Variants in CNTN5 observed in about 807,000 individuals in gnomAD.
The protein encoded by CNTN5 is contactin 5.
A neutral mutation model predicts 129.1 loss-of-function variants in CNTN5; 77 were observed. The ratio of observed to expected loss-of-function variants is 0.60; its 90% CI spans 0.50 to 0.72. The LOEUF (loss-of-function observed/expected upper bound fraction) is 0.72, where lower values mean the gene tolerates loss of function less well. CNTN5 is among the 30% of genes least tolerant of loss of function. The pLI, the probability that CNTN5 is intolerant of heterozygous loss-of-function variation, is 0.00. For synonymous variants in CNTN5, 509 were observed against 465.6 expected (o/e 1.09, Z -1.20); for missense variants, 1,478 against 1,328.8 (o/e 1.11, Z -1.75).
chr11:99,893,549 C>G (rs1446472518), intron 6 of CNTN5, among the ~76,000 whole-genome samples: 1 of 152,066 alleles, frequency 6.6e-6, no homozygotes, highest in East Asian at 1.9e-4. Context: ...CACAATAATA[C>G]CTAAAGCACT....
intron 1 of CNTN5, among the ~76,000 whole-genome samples, chr11:99,137,438 T>C (rs1444660192): frequency 1.3e-5 from 2 of 152,140 alleles, no homozygotes. Flanking sequence ...TCATTTATGC[T>C]CATTATACGA....
chr11:99,584,381 C>T (rs996077746), intron 3 of CNTN5, among the ~76,000 whole-genome samples: 4 of 152,136 alleles, frequency 2.6e-5, no homozygotes, highest in African/African-American at 9.7e-5. Flanking sequence ...CTGTTGGCCA[C>T]AGACAGAAGG....
At chr11:99,086,812 T>C (rs1442534612) in intron 1 of CNTN5, among the ~76,000 whole-genome samples, 2 of 152,152 alleles carry the variant, frequency 1.3e-5, no homozygotes, top group Admixed American at 1.3e-4. Flanking sequence ...AGCTAAATAA[T>C]GGGGTTACAG....
intron 7 of CNTN5, among the ~76,000 whole-genome samples, chr11:99,942,646 A>G (rs993581057): frequency 2.0e-5 from 3 of 152,020 alleles, no homozygotes. Context: ...CACATGCATT[A>G]GATATTTGTC....
intron 7 of CNTN5, among the ~76,000 whole-genome samples, chr11:99,955,841 G>A (rs1950788469): frequency 1.3e-5 from 2 of 152,098 alleles, no homozygotes; most frequent in Non-Finnish European, 2.9e-5. Context: ...CAGGAGTACG[G>A]GCGTTAGCCC....
intron 1 of CNTN5, among the ~76,000 whole-genome samples, chr11:99,101,638 A>T (rs1388833463): frequency 1.3e-5 from 2 of 152,130 alleles, no homozygotes; most frequent in African/African-American, 2.4e-5. Context: ...CTACAAAATG[A>T]TCTCCTCTGA....
intron 1 of CNTN5, chr11:99,049,498 A>G (rs1203505411): frequency 1.3e-5 from 2 of 152,176 alleles, no homozygotes; most frequent in Non-Finnish European, 2.9e-5. Context: ...GGGAAGCTAC[A>G]TGAAATAAAT....
intron 9 of CNTN5, among the ~76,000 whole-genome samples, chr11:100,044,537 A>G (rs957698919): frequency 1.3e-5 from 2 of 151,868 alleles, no homozygotes; most frequent in Non-Finnish European, 2.9e-5. Flanking sequence ...TAGTAAGATA[A>G]TATACAATTG....
intron 9 of CNTN5, among the ~76,000 whole-genome samples, chr11:100,042,238 T>C (rs537496824): frequency 3.9e-5 from 6 of 152,034 alleles, no homozygotes; most frequent in Non-Finnish European, 5.9e-5. Flanking sequence ...TTTTTTTTTT[T>C]TGAGATACAG....
intron 13 of CNTN5, among the ~76,000 whole-genome samples, chr11:100,145,732 G>A (rs540167572): frequency 5.3e-5 from 8 of 152,132 alleles, no homozygotes; most frequent in African/African-American, 1.7e-4. Context: ...GGGACTCTAG[G>A]GATTTAGGTC....
intron 2 of CNTN5, among the ~76,000 whole-genome samples, chr11:99,541,517 T>C (rs572265715): frequency 3.3e-5 from 5 of 152,178 alleles, no homozygotes; most frequent in African/African-American, 9.6e-5. Flanking sequence ...CACAGTTGAA[T>C]AGGAAAGGTA....
intron 1 of CNTN5, among the ~76,000 whole-genome samples, chr11:99,031,982 G>A: frequency 7.3e-6 from 1 of 136,614 alleles, no homozygotes; most frequent in South Asian, 2.2e-4. Context: ...TGTTCTCATT[G>A]TTCAATTCCC....
chr11:99,745,486 T>C (rs1167142175), intron 3 of CNTN5, among the ~76,000 whole-genome samples: 2 of 149,874 alleles, frequency 1.3e-5, no homozygotes, highest in South Asian at 2.1e-4. Flanking sequence ...GCTCAGCTAA[T>C]GAGTTTTTTG....
intron 1 of CNTN5, among the ~76,000 whole-genome samples, chr11:99,125,950 T>C (rs936044924): frequency 6.6e-6 from 1 of 152,108 alleles, no homozygotes; most frequent in African/African-American, 2.4e-5. Context: ...CAATTCCACT[T>C]ACATGTTCAG....
At chr11:99,690,173 T>A (rs141041731) in intron 3 of CNTN5, among the ~76,000 whole-genome samples, 57 of 152,290 alleles carry the variant, frequency 3.7e-4, no homozygotes, top group Non-Finnish European at 7.1e-4. Context: ...CAGCACTACT[T>A]ATTAAGTAGG....
At chr11:99,340,065 T>G (rs1790993798) in intron 2 of CNTN5, among the ~76,000 whole-genome samples, 1 of 152,126 alleles carries the variant, frequency 6.6e-6, no homozygotes, top group Non-Finnish European at 1.5e-5. Context: ...AGATATGACA[T>G]GTAAGAAAAG....
In CNTN5 at chr11:100,113,893, G is replaced by A. The variant is rs150347372; in HGVS notation, c.1580+39599G>A. On this transcript the variant is annotated intron_variant, in intron 13 of 24. Transcript: ENST00000524871. Reference sequence around the variant, plus strand: ...TTTAGCGTATGTCTCATGTGGTCTTGTTGCCAAGAGAGTGTAACATAAGTA... The same window carrying A: ...TTTAGCGTATGTCTCATGTGGTCTTATTGCCAAGAGAGTGTAACATAAGTA... Among the ~76,000 whole-genome samples the A allele has an allele frequency of 1.1e-4, 16 of 151,988 alleles. No individual in the cohort carries two copies. In the East Asian group the frequency reaches 3.1e-3, roughly 29 times the overall value.
intron 3 of CNTN5, among the ~76,000 whole-genome samples, chr11:99,775,651 G>T (rs1270939008): frequency 2.0e-5 from 3 of 151,846 alleles, no homozygotes; most frequent in Non-Finnish European, 4.4e-5. Context: ...AAAACTATTG[G>T]ATGTATTAGA....
chr11:99,756,729 CTCTT>C (rs1207255380), intron 3 of CNTN5, among the ~76,000 whole-genome samples: 1 of 151,998 alleles, frequency 6.6e-6, no homozygotes, highest in African/African-American at 2.4e-5. Context: ...CTTTCACTAA[CTCTT>C]TCTTGCATAT....
Sources: allele counts gnomAD v4.1 joint callset (sites outside exome capture counted in the v4.1 genomes callset), GRCh38; gene constraint gnomAD v4.1.1; transcripts MANE v1.5; gene names NCBI Gene and HGNC (gene_info 2026-07-23, HGNC 2026-07-21).